NEGR1: variants seen among roughly 807,000 people sequenced by gnomAD.
The protein encoded by NEGR1 is neuronal growth regulator 1.
A neutral mutation model predicts 40.9 loss-of-function variants in NEGR1; 10 were observed. That is an observed-to-expected ratio of 0.24 (90% CI 0.15 to 0.42). NEGR1 has a LOEUF of 0.42. NEGR1 is among the 10% of genes least tolerant of loss of function. NEGR1 has a pLI of 1.00. For synonymous variants in NEGR1, 185 were observed against 166.8 expected (o/e 1.11, Z -0.84); for missense variants, 352 against 438.9 (o/e 0.80, Z 1.77).
At chr1:71,527,053 T>C (rs1647225142) in intron 6 of NEGR1, among the ~76,000 whole-genome samples, 1 of 151,636 alleles carries the variant, frequency 6.6e-6, no homozygotes, top group African/African-American at 2.4e-5. Context: ...AAGCCTTTTA[T>C]GATATTTTTA....
intron 1 of NEGR1, among the ~76,000 whole-genome samples, chr1:72,080,319 T>A (rs75446521): frequency 0.011 from 1,616 of 152,238 alleles, 28 homozygotes; most frequent in African/African-American, 0.037. Context: ...AGCATCCAGA[T>A]AGTTTCTTAC....
At chr1:72,042,756 G>T (rs1453054612) in intron 1 of NEGR1, among the ~76,000 whole-genome samples, 2 of 151,930 alleles carry the variant, frequency 1.3e-5, no homozygotes, top group Non-Finnish European at 2.9e-5. Context: ...CACATGCCTA[G>T]ATGTAGTAGG....
At chr1:71,759,287 C>CTTTTTTTTTTT (rs759687500) in intron 3 of NEGR1, among the ~76,000 whole-genome samples, 4 of 85,220 alleles carry the variant, frequency 4.7e-5, no homozygotes, top group Admixed American at 1.7e-4. Flanking sequence ...AAGATTATAA[C>CTTTTTTTTTTT]TTTTTTTTTT....
intron 1 of NEGR1, among the ~76,000 whole-genome samples, chr1:72,196,681 T>C (rs1406368475): frequency 1.9e-5 from 2 of 107,186 alleles, no homozygotes; most frequent in Admixed American, 8.5e-5. Flanking sequence ...GGATGATCAC[T>C]TGAACCGGGG....
rs1650234192 is a variant in NEGR1, at chr1:71,611,100, T to C, written c.714A>G (p.Gly238=). ...CTTCACATCTTATCAGGCCACTGCG[T>C]CCGGGGGTCACGGTGCCAGATTTAA... ...QEIKSGTVTP[G]RSGLIRCEGA... The change falls in exon 5 of 7, where the codon GGA becomes GGG. Residue 238 remains glycine (G), a synonymous_variant. Coordinates refer to ENST00000357731, the MANE Select transcript of NEGR1 (RefSeq NM_173808.3). The C allele has an allele frequency of 3.1e-6, 5 of 1,613,940 alleles. No individual in the cohort carries two copies. Among genetic ancestry groups the C allele is most frequent in the Non-Finnish European group, 4.2e-6 (5 of 1,179,880 alleles).
At chr1:71,480,910 T>G (rs189857140) in intron 6 of NEGR1, among the ~76,000 whole-genome samples, 25 of 151,980 alleles carry the variant, frequency 1.6e-4, no homozygotes, top group Non-Finnish European at 1.3e-4. Flanking sequence ...ACCTAAAAAT[T>G]ATATAACTAG....
intron 1 of NEGR1, among the ~76,000 whole-genome samples, chr1:72,073,216 C>G (rs1014243717): frequency 6.6e-6 from 1 of 152,004 alleles, no homozygotes; most frequent in Non-Finnish European, 1.5e-5. Flanking sequence ...CCTTTATGTG[C>G]CTTCTGAGGA....
At chr1:72,202,262 C>T (rs906208051) in intron 1 of NEGR1, among the ~76,000 whole-genome samples, 1 of 151,866 alleles carries the variant, frequency 6.6e-6, no homozygotes, top group Admixed American at 6.6e-5. Context: ...TCCTCCATAC[C>T]TATCTTTCCC....
chr1:72,241,717 T>G (rs901059935), intron 1 of NEGR1, among the ~76,000 whole-genome samples: 1 of 151,668 alleles, frequency 6.6e-6, no homozygotes, highest in East Asian at 1.9e-4. Flanking sequence ...CAGGTATATA[T>G]TCCTTCAACT....
chr1:71,601,263 T>G (rs892702182), intron 5 of NEGR1, among the ~76,000 whole-genome samples: 8 of 151,996 alleles, frequency 5.3e-5, no homozygotes, highest in Admixed American at 3.9e-4. Flanking sequence ...AAAACCACAA[T>G]GAAATACCAC....
chr1:71,898,947 CAA>C (rs1312522730), intron 2 of NEGR1, among the ~76,000 whole-genome samples: 7 of 92,276 alleles, frequency 7.6e-5, no homozygotes, highest in African/African-American at 2.9e-4. Context: ...TAATATATTG[CAA>C]ATATATATAT....
At chr1:71,638,627 T>C (rs1651240818) in intron 4 of NEGR1, among the ~76,000 whole-genome samples, 1 of 152,102 alleles carries the variant, frequency 6.6e-6, no homozygotes, top group African/African-American at 2.4e-5. Flanking sequence ...ACAACAGTTC[T>C]GTAAGTACTA....
intron 1 of NEGR1, among the ~76,000 whole-genome samples, chr1:71,953,477 G>A (rs959278058): frequency 2.6e-5 from 4 of 151,932 alleles, no homozygotes; most frequent in African/African-American, 9.7e-5. Flanking sequence ...TAACTGCTGT[G>A]AATATTGTTG....
At chr1:71,929,703 T>A (rs1645836498) in intron 2 of NEGR1, among the ~76,000 whole-genome samples, 1 of 152,006 alleles carries the variant, frequency 6.6e-6, no homozygotes, top group South Asian at 2.1e-4. Flanking sequence ...ATGTATGTAG[T>A]ATTTTTTCAT....
chr1:71,517,574 T>C (rs1421871391), intron 6 of NEGR1, among the ~76,000 whole-genome samples: 4 of 146,016 alleles, frequency 2.7e-5, no homozygotes, highest in African/African-American at 5.3e-5. Flanking sequence ...ATGGGATGTA[T>C]TTCAAAATAA....
chr1:71,424,068 ATAGT>A (rs1000654106), intron 6 of NEGR1, among the ~76,000 whole-genome samples: 2 of 133,860 alleles, frequency 1.5e-5, no homozygotes, highest in African/African-American at 5.5e-5. Flanking sequence ...TCAGACGCTA[ATAGT>A]TAGGACTTTA....
intron 6 of NEGR1, among the ~76,000 whole-genome samples, chr1:71,519,860 C>A (rs1443099551): frequency 6.6e-6 from 1 of 151,650 alleles, no homozygotes; most frequent in Non-Finnish European, 1.5e-5. Context: ...TGTAGGAATA[C>A]ATTTTAAGAG....
chr1:71,966,188 T>C (rs1050537831), intron 1 of NEGR1, among the ~76,000 whole-genome samples: 3 of 152,162 alleles, frequency 2.0e-5, no homozygotes, highest in African/African-American at 7.2e-5. Flanking sequence ...TAACTGCAGC[T>C]CAGATTCATA....
At chr1:71,485,367 GA>G (rs1379882715) in intron 6 of NEGR1, among the ~76,000 whole-genome samples, 1 of 151,450 alleles carries the variant, frequency 6.6e-6, no homozygotes, top group Non-Finnish European at 1.5e-5. Flanking sequence ...CCTATGCATA[GA>G]ATCCCCGATT....
Sources: allele counts gnomAD v4.1 joint callset (sites outside exome capture counted in the v4.1 genomes callset), GRCh38; gene constraint gnomAD v4.1.1; transcripts MANE v1.5; gene names NCBI Gene and HGNC (gene_info 2026-07-23, HGNC 2026-07-21).